Variants in ME2 observed in about 807,000 individuals in gnomAD.
The protein encoded by ME2 is malic enzyme 2.
Under a neutral mutation model 73.7 loss-of-function variants are expected in ME2, and 60 were observed. That is an observed-to-expected ratio of 0.81 (90% CI 0.66 to 1.01). The LOEUF is 1.01. Among genes scored for constraint, ME2 ranks in the 50% least tolerant of loss-of-function variants. ME2 has a pLI of 0.00. For missense variants in ME2, 594 were observed against 705.5 expected (o/e 0.84, Z 1.79); for synonymous variants, 199 against 236.9 (o/e 0.84, Z 1.47).
chr18:50,891,814 ATT>A (rs199728259), intron 1 of ME2, among the ~76,000 whole-genome samples: 23 of 140,786 alleles, frequency 1.6e-4, no homozygotes, highest in South Asian at 2.3e-4. Context: ...TGGACTTATA[ATT>A]TTTTTTTTTT....
intron 2 of ME2, among the ~76,000 whole-genome samples, chr18:50,898,585 C>T (rs1324485595): frequency 6.6e-6 from 1 of 152,144 alleles, no homozygotes; most frequent in Admixed American, 6.6e-5. Context: ...GCACGTGCCA[C>T]TACACCTGGC....
At chr18:50,881,235 C>CTCTGT (rs1916313474) in intron 1 of ME2, among the ~76,000 whole-genome samples, 1 of 152,082 alleles carries the variant, frequency 6.6e-6, no homozygotes, top group South Asian at 2.1e-4. Context: ...CAGGGTTTCA[C>CTCTGT]CATGTTTTTC....
At position 50,952,448 on chromosome 18, in the gene ME2, TA is replaced by T. The variant is rs1364686146; in HGVS notation, c.*5267del. 1 of 152,198 alleles carries T rather than the reference TA, an allele frequency of 6.6e-6. No individual in the cohort carries two copies. The highest frequency in any genetic ancestry group is 1.5e-5 in the Non-Finnish European group (1 of 68,022). 9.4% of individuals were successfully genotyped at this position (152,198 alleles called of 1,614,324 possible). On this transcript the variant is annotated 3_prime_UTR_variant, in exon 16 of 16. Transcript: ENST00000321341. ...AAATTGTGCATCTCAAAGAGAAAAG[TA>T]AATATGGAAATATGTTCATAGTTCA...
chr18:50,939,762 A>G (rs1917903737), intron 14 of ME2, 122 bp downstream of exon 14: 2 of 655,140 alleles, frequency 3.1e-6, no homozygotes, highest in Admixed American at 5.8e-5. Flanking sequence ...GAAGTTACTC[A>G]AATTACTTTT....
chr18:50,934,345 A>G (rs1917768557), intron 13 of ME2: 1 of 152,216 alleles, frequency 6.6e-6, no homozygotes, highest in African/African-American at 2.4e-5. Context: ...TACCATAAAT[A>G]TAGACATTAA....
chr18:50,930,742 A>G (rs1917672066), intron 12 of ME2, among the ~76,000 whole-genome samples: 2 of 152,226 alleles, frequency 1.3e-5, no homozygotes, highest in Admixed American at 6.5e-5. Flanking sequence ...GACTATTAAA[A>G]TTAATGGTGC....
intron 2 of ME2, among the ~76,000 whole-genome samples, chr18:50,900,200 A>G (rs1916852481): frequency 6.6e-6 from 1 of 152,012 alleles, no homozygotes; most frequent in South Asian, 2.1e-4. Flanking sequence ...CAAAGTCTTA[A>G]AAATTGAGTG....
chr18:50,912,786 T>C lies in ME2; in HGVS notation c.243-15T>C, dbSNP rs762001109. The C allele has an allele frequency of 3.9e-6, 6 of 1,548,022 alleles. No individual in the cohort carries two copies. In the Admixed American group the frequency reaches 1.1e-4, roughly 29 times the overall value. On this transcript the variant is annotated splice_polypyrimidine_tract_variant and intron_variant, in intron 3 of 15. Coordinates refer to ENST00000321341, the MANE Select transcript of ME2 (RefSeq NM_002396.5). ...GCAGGCTGACTTAGACATTATTTAC[T>C]GTGCTTCATTTCAGATATATCTACA...
chr18:50,927,817 T>G (rs1917596138), intron 12 of ME2, among the ~76,000 whole-genome samples: 1 of 136,638 alleles, frequency 7.3e-6, no homozygotes, highest in African/African-American at 2.7e-5. Flanking sequence ...TTAATTTTTT[T>G]TTTTTTTTTT....
chr18:50,910,584 T>C (rs2144221562), intron 3 of ME2, among the ~76,000 whole-genome samples: 1 of 152,324 alleles, frequency 6.6e-6, no homozygotes, highest in Non-Finnish European at 1.5e-5. Context: ...AAATGAAATG[T>C]AACACTGATT....
chr18:50,923,465 T>C (rs940776492), intron 10 of ME2, among the ~76,000 whole-genome samples: 1 of 152,038 alleles, frequency 6.6e-6, no homozygotes, highest in Non-Finnish European at 1.5e-5. Context: ...ATATGAAAAA[T>C]TCTCAGCCAG....
intron 14 of ME2, chr18:50,939,898 A>G (rs1008173817): frequency 2.2e-6 from 1 of 448,830 alleles, no homozygotes; most frequent in African/African-American, 2.0e-5. Flanking sequence ...ATATATTGTG[A>G]CAGCATAGAT....
At chr18:50,919,364 A>G (rs1204912639) in intron 7 of ME2, among the ~76,000 whole-genome samples, 3 of 152,226 alleles carry the variant, frequency 2.0e-5, no homozygotes, top group African/African-American at 4.8e-5. Flanking sequence ...TGGCACGTAG[A>G]AGATATTTAA....
chr18:50,890,514 A>G (rs1419075015), intron 1 of ME2, among the ~76,000 whole-genome samples: 2 of 151,444 alleles, frequency 1.3e-5, no homozygotes, highest in African/African-American at 4.9e-5. Flanking sequence ...TAAATTTTTT[A>G]CAACTACTTA....
chr18:50,951,163 C>G lies in ME2; in HGVS notation c.*3979C>G, dbSNP rs1403243041. 2 of 152,162 alleles carry G rather than the reference C, an allele frequency of 1.3e-5. No homozygotes were observed. The highest frequency in any genetic ancestry group is 4.8e-5 in the African/African-American group (2 of 41,446). 9.4% of individuals were successfully genotyped at this position (152,162 alleles called of 1,614,324 possible). ...TTAGCTATCAAATGGACATTTATTT[C>G]TCTTAGTTTTCTTATGACATGACTT... On this transcript the variant is annotated 3_prime_UTR_variant, in exon 16 of 16. Transcript: ENST00000321341.
intron 2 of ME2, among the ~76,000 whole-genome samples, chr18:50,906,842 T>C (rs2144215223): frequency 6.6e-6 from 1 of 152,254 alleles, no homozygotes; most frequent in East Asian, 1.9e-4. Context: ...CACAGAGCCT[T>C]AAGGTTAGCC....
In ME2 at chr18:50,916,176, T is replaced by A. The variant is rs748411295; in HGVS notation, c.401T>A (p.Phe134Tyr). ...GHIFRRPKGL[F>Y]ISISDRGHVR... The stretch of plus-strand genomic sequence containing the variant: ...TTTTTGTTCTGTTGCAGGGGATTAT[T>A]TATTTCGATCTCAGACAGAGGTCAT... Residue 134 changes from phenylalanine to tyrosine, a missense_variant, in exon 5 of 16, where the codon TTT becomes TAT. Physicochemically the swap from Phe to Tyr is conservative, Grantham distance 22. Coordinates refer to ENST00000321341, the MANE Select transcript of ME2 (RefSeq NM_002396.5). 6.2e-7 allele frequency: 1 copy of A among 1,610,376 alleles called. No homozygotes were observed. Among genetic ancestry groups the A allele is most frequent in the Non-Finnish European group, 8.5e-7 (1 of 1,178,258 alleles).
rs57234855 is a variant in ME2 at position 50,881,303 on chromosome 18, C to G, written c.-13+1995C>G. Reference sequence around the variant, plus strand: ...CCACCTCCTTCGGCCTCCCAAAGTGCTGGGATTACAGGAGTGAGCCACCAT... The same window carrying G: ...CCACCTCCTTCGGCCTCCCAAAGTGGTGGGATTACAGGAGTGAGCCACCAT... On this transcript the variant is annotated intron_variant, in intron 1 of 15. Transcript: ENST00000321341. 4.1e-3 allele frequency among the ~76,000 whole-genome samples: 620 copies of G among 152,282 alleles called. 10 individuals carry two copies. In the East Asian group the frequency reaches 0.065, roughly 16 times the overall value.
chr18:50,893,629 A>G (rs1916663000), intron 1 of ME2, among the ~76,000 whole-genome samples: 1 of 152,194 alleles, frequency 6.6e-6, no homozygotes, highest in African/African-American at 2.4e-5. Context: ...CAGCTCAGAT[A>G]TTTCTTAAAA....
Sources: gnomAD v4.1 joint callset for allele counts (sites outside exome capture counted in the v4.1 genomes callset) on GRCh38, gnomAD v4.1.1 for gene constraint, MANE v1.5 for transcripts, NCBI Gene and HGNC (gene_info 2026-07-23, HGNC 2026-07-21) for gene names.